MPDZ: variants seen among roughly 807,000 people sequenced by gnomAD.
MPDZ encodes the protein multiple PDZ domain protein.
Under a neutral mutation model 239.1 loss-of-function variants are expected in MPDZ, and 234 were observed. That is an observed-to-expected ratio of 0.98 (90% CI 0.88 to 1.09). MPDZ has a LOEUF of 1.09. Among genes scored for constraint, MPDZ ranks in the 50% least tolerant of loss-of-function variants. The pLI is 0.00. For synonymous variants in MPDZ, 1,048 were observed against 881.3 expected, an observed-to-expected ratio of 1.19 and a Z score of -3.35; for missense variants, 3,175 against 2,510.0, an observed-to-expected ratio of 1.26 and a Z score of -5.66.
At chr9:13,109,346 C>T (rs1207762127) in intron 45 of MPDZ, among the ~76,000 whole-genome samples, 1 of 152,100 alleles carries the variant, frequency 6.6e-6, no homozygotes, top group African/African-American at 2.4e-5. Context: ...TACAGAGAAG[C>T]TCATTCTTTT....
At chr9:13,245,630 T>C (rs1966422097) in intron 3 of MPDZ, among the ~76,000 whole-genome samples, 3 of 152,184 alleles carry the variant, frequency 2.0e-5, no homozygotes, top group African/African-American at 4.8e-5. Context: ...ATGTAAGACA[T>C]GTCTCATAGA....
At chr9:13,248,820 A>T (rs995618114) in intron 2 of MPDZ, among the ~76,000 whole-genome samples, 2 of 151,064 alleles carry the variant, frequency 1.3e-5, no homozygotes, top group African/African-American at 2.4e-5. Context: ...AAAAATAAAA[A>T]AAATCAGATG....
chr9:13,184,256 A>G (rs895757449), intron 18 of MPDZ, among the ~76,000 whole-genome samples: 3 of 151,990 alleles, frequency 2.0e-5, no homozygotes, highest in African/African-American at 7.2e-5. Flanking sequence ...GTCTTCTGTC[A>G]CAGAATCAAG....
At position 13,211,617 on chromosome 9, in the gene MPDZ, T is replaced by C. The variant is rs1957628374; in HGVS notation, c.1290+5157A>G. On this transcript the variant is annotated intron_variant, in intron 10 of 46. Transcript: ENST00000319217. Reference sequence around the variant, plus strand: ...AACAAAATAGAATTTAAATGTTTCATGTCCTTAAAAGAAATATAAGGTAGT... The same window carrying C: ...AACAAAATAGAATTTAAATGTTTCACGTCCTTAAAAGAAATATAAGGTAGT... Among the ~76,000 whole-genome samples, 4 of 152,136 alleles carry C rather than the reference T, an allele frequency of 2.6e-5. No homozygotes were observed. In the South Asian group the frequency reaches 8.3e-4, roughly 31 times the overall value.
intron 1 of MPDZ, among the ~76,000 whole-genome samples, chr9:13,263,189 G>A (rs1199472305): frequency 6.6e-6 from 1 of 152,094 alleles, no homozygotes; most frequent in Non-Finnish European, 1.5e-5. Flanking sequence ...GAAGAAACAA[G>A]ACTGACCATG....
intron 25 of MPDZ, among the ~76,000 whole-genome samples, 165 bp from the exon 26 acceptor site, chr9:13,147,823 A>G (rs1286883162): frequency 6.6e-6 from 1 of 152,104 alleles, no homozygotes; most frequent in Non-Finnish European, 1.5e-5. Context: ...CTGTCTGTCC[A>G]GCAGACTTGT....
intron 10 of MPDZ, among the ~76,000 whole-genome samples, chr9:13,207,254 A>T (rs2135731267): frequency 6.6e-6 from 1 of 152,306 alleles, no homozygotes; most frequent in South Asian, 2.1e-4. Context: ...TCTTTCCAAA[A>T]TATAGATATG....
chr9:13,190,228 C>T lies in MPDZ; in HGVS notation c.2040G>A (p.Ala680=), dbSNP rs766220806. The T allele has an allele frequency of 9.9e-6, 16 of 1,612,690 alleles. No individual in the cohort carries two copies. The highest frequency in any genetic ancestry group is 5.5e-5 in the South Asian group (5 of 90,986). Residue 680 remains alanine (A), a synonymous_variant, in exon 16 of 47, where the codon GCG becomes GCA. Transcript: ENST00000319217. ...TEDPVLAMTD[A]GQSTEEVQAP... ...CTTGAACCTCTTCTGTACTCTGACCCGCATCAGTCATCGCCAGCACTGGAT... is the reference window on the plus strand; with the variant it reads ...CTTGAACCTCTTCTGTACTCTGACCTGCATCAGTCATCGCCAGCACTGGAT...
At position 13,190,169 on chromosome 9, in the gene MPDZ, T is replaced by C. The variant is rs1191570181; in HGVS notation, c.2099A>G (p.His700Arg). ...TTTGCTCCCTTTCTCCAGCTCTATG[T>C]GCTGAATGCCAGCCTCCCACATGGC... ...PLAMWEAGIQ[H>R]IELEKGSKGL... The change falls in exon 16 of 47, where the codon CAC becomes CGC. Residue 700 changes from histidine to arginine, a missense_variant. By Grantham distance (29) the His-to-Arg change is conservative. Coordinates refer to ENST00000319217, the MANE Select transcript of MPDZ (RefSeq NM_001378778.1). 10 of 1,613,344 alleles carry C rather than the reference T, an allele frequency of 6.2e-6. No homozygotes were observed. The Middle Eastern group carries it at 5.0e-4, about 80-fold the overall frequency.
chr9:13,182,808 T>G (rs962816995), intron 19 of MPDZ, among the ~76,000 whole-genome samples: 2 of 151,978 alleles, frequency 1.3e-5, no homozygotes, highest in African/African-American at 2.4e-5. Context: ...ATGAATAGAG[T>G]TGGGGCATTT....
intron 21 of MPDZ, among the ~76,000 whole-genome samples, chr9:13,173,640 A>C (rs1952074909): frequency 6.6e-6 from 1 of 151,770 alleles, no homozygotes; most frequent in South Asian, 2.1e-4. Context: ...AGGAGACGGA[A>C]GTTGCAGTTA....
chr9:13,139,880 T>A (rs763271660), intron 28 of MPDZ, 107 bp downstream of exon 28: 1 of 1,277,364 alleles, frequency 7.8e-7, no homozygotes, highest in Non-Finnish European at 1.1e-6. Flanking sequence ...TTGCAGTATA[T>A]ATCACAAAGC....
intron 3 of MPDZ, among the ~76,000 whole-genome samples, chr9:13,244,633 C>T (rs1350790957): frequency 1.3e-5 from 2 of 152,190 alleles, no homozygotes; most frequent in African/African-American, 2.4e-5. Flanking sequence ...CCCTTCAGGG[C>T]ATGGCTTTTT....
chr9:13,133,821 T>G lies in MPDZ; in HGVS notation c.4464+3A>C. 1 of 1,583,766 alleles carries G rather than the reference T, an allele frequency of 6.3e-7. No individual in the cohort carries two copies. The highest frequency in any genetic ancestry group is 8.7e-7 in the Non-Finnish European group (1 of 1,155,106). ...ATTTCATTCCAATTCAAAGCAGATT[T>G]ACCTTGGGAAGCTCCAGATGTTGCA... On this transcript the variant is annotated splice_donor_region_variant and intron_variant, in intron 32 of 46. Coordinates refer to ENST00000319217, the MANE Select transcript of MPDZ (RefSeq NM_001378778.1).
chr9:13,168,346 G>T lies in MPDZ; in HGVS notation c.3254+20C>A, dbSNP rs371723979. On this transcript the variant is annotated intron_variant, in intron 22 of 46. Coordinates refer to ENST00000319217, the MANE Select transcript of MPDZ (RefSeq NM_001378778.1). ...ATTCCTGAATTTCCCAAGTTAAACTGGGCTTCAAATGATACTTACTTTATG... is the reference window on the plus strand; with the variant it reads ...ATTCCTGAATTTCCCAAGTTAAACTTGGCTTCAAATGATACTTACTTTATG... The T allele has an allele frequency of 1.9e-6, 3 of 1,601,026 alleles. No homozygotes were observed. The highest frequency in any genetic ancestry group is 1.3e-5 in the African/African-American group (1 of 74,482).
intron 3 of MPDZ, among the ~76,000 whole-genome samples, chr9:13,240,588 A>G (rs1965161304): frequency 6.8e-6 from 1 of 146,892 alleles, no homozygotes; most frequent in African/African-American, 2.5e-5. Context: ...AGTAAAAAAA[A>G]AAAAAAAAAA....
chr9:13,259,374 A>G (rs1970149923), intron 1 of MPDZ, among the ~76,000 whole-genome samples: 1 of 152,114 alleles, frequency 6.6e-6, no homozygotes, highest in African/African-American at 2.4e-5. Context: ...AGGGAAGGTC[A>G]AGGGAGTAGA....
chr9:13,206,131 A>G (rs756234518), intron 10 of MPDZ, 32 bp from the exon 11 acceptor site: 6 of 1,536,202 alleles, frequency 3.9e-6, no homozygotes, highest in African/African-American at 1.4e-5. Context: ...AGCATGTTAC[A>G]TGTTAAATAA....
At chr9:13,144,818 C>T (rs556741130) in intron 26 of MPDZ, among the ~76,000 whole-genome samples, 2 of 152,176 alleles carry the variant, frequency 1.3e-5, no homozygotes, top group East Asian at 3.9e-4. Flanking sequence ...AATGTCAACT[C>T]CTGCTTTACA....
Sources: allele counts gnomAD v4.1 joint callset (sites outside exome capture counted in the v4.1 genomes callset), GRCh38; gene constraint gnomAD v4.1.1; transcripts MANE v1.5; gene names NCBI Gene and HGNC (gene_info 2026-07-23, HGNC 2026-07-21).